ZC3H12B: variants seen among roughly 807,000 people sequenced by gnomAD.
ZC3H12B encodes the protein zinc finger CCCH-type containing 12B.
Under a neutral mutation model 43.9 loss-of-function variants are expected in ZC3H12B, and 7 were observed. The observed-to-expected ratio is 0.16, with a 90% CI of 0.09 to 0.30. ZC3H12B has a LOEUF of 0.30. ZC3H12B is among the 10% of genes least tolerant of loss of function. The probability of loss-of-function intolerance (pLI) is 1.00; values close to 1 mark genes in which losing one functional copy is unlikely to be tolerated. For synonymous variants in ZC3H12B, 222 were observed against 241.7 expected, an observed-to-expected ratio of 0.92 and a Z score of 0.76; for missense variants, 475 against 670.2, an observed-to-expected ratio of 0.71 and a Z score of 3.22.
chrX:65,415,238 C>A (rs1207498545), intron 3 of ZC3H12B, among the ~76,000 whole-genome samples: 1 of 112,076 alleles, frequency 8.9e-6, no homozygotes, highest in African/African-American at 3.2e-5. Context: ...TTTTATCATG[C>A]CGATGAAGGC....
the ZC3H12B span, among the ~76,000 whole-genome samples, chrX:65,167,097 T>G: frequency 2.7e-5 from 3 of 112,140 alleles, no homozygotes; most frequent in Admixed American, 9.5e-5. Flanking sequence ...CTTTGGTGTT[T>G]TAGTCATGAA....
the ZC3H12B span, among the ~76,000 whole-genome samples, chrX:65,301,973 A>G: frequency 9.0e-6 from 1 of 111,371 alleles, no homozygotes; most frequent in Non-Finnish European, 1.9e-5. Context: ...CGTTCCATTT[A>G]TGATTTAAAA....
intron 3 of ZC3H12B, among the ~76,000 whole-genome samples, chrX:65,450,413 G>T (rs1261219924): frequency 1.4e-5 from 1 of 69,451 alleles, no homozygotes; most frequent in Non-Finnish European, 2.6e-5. Context: ...ATATATGTGT[G>T]TATATACATA....
chrX:65,480,818 C>A (rs1219294459), intron 3 of ZC3H12B, among the ~76,000 whole-genome samples: 1 of 105,285 alleles, frequency 9.5e-6, no homozygotes, highest in Non-Finnish European at 1.9e-5. Flanking sequence ...TGCACTCCAG[C>A]CTGGGCAACA....
the ZC3H12B span, among the ~76,000 whole-genome samples, chrX:65,175,473 A>G: frequency 2.9e-3 from 322 of 112,305 alleles, 1 homozygote; most frequent in Non-Finnish European, 4.9e-3. Context: ...TTCTAATTTG[A>G]AAATATAAAG....
At chrX:65,296,532 C>G in the ZC3H12B span, among the ~76,000 whole-genome samples, 1 of 110,546 alleles carries the variant, frequency 9.0e-6, no homozygotes, top group African/African-American at 3.3e-5. Flanking sequence ...GACACACACA[C>G]AGTCCAGGAC....
the ZC3H12B span, among the ~76,000 whole-genome samples, chrX:65,261,468 G>A: frequency 1.8e-5 from 2 of 111,228 alleles, no homozygotes; most frequent in South Asian, 7.6e-4. Flanking sequence ...GACTTAATAT[G>A]GGCAAAGTAT....
intron 3 of ZC3H12B, among the ~76,000 whole-genome samples, chrX:65,446,225 C>T: frequency 8.9e-6 from 1 of 111,847 alleles, no homozygotes. Flanking sequence ...ATTCAAGTTG[C>T]AAGACAAAGT....
At chrX:65,472,966 GTAT>G (rs2067942614) in intron 3 of ZC3H12B, among the ~76,000 whole-genome samples, 1 of 78,988 alleles carries the variant, frequency 1.3e-5, no homozygotes, top group African/African-American at 7.1e-5. Context: ...TTGTGTATGT[GTAT>G]GTGTGTGTAT....
the ZC3H12B span, among the ~76,000 whole-genome samples, chrX:65,075,741 C>T: frequency 2.7e-5 from 3 of 111,789 alleles, no homozygotes; most frequent in Admixed American, 9.5e-5. Context: ...CACTTTTTCA[C>T]GAGTCTCCAG....
chrX:65,268,667 G>A, the ZC3H12B span, among the ~76,000 whole-genome samples: 3 of 112,302 alleles, frequency 2.7e-5, no homozygotes, highest in African/African-American at 6.5e-5. Flanking sequence ...CATCTCAATT[G>A]ATACAGAAAA....
the ZC3H12B span, among the ~76,000 whole-genome samples, chrX:65,215,115 T>G: frequency 8.5e-4 from 95 of 112,062 alleles, no homozygotes; most frequent in African/African-American, 2.8e-3. Flanking sequence ...GCTTCGTTTG[T>G]CCATTTACAA....
the ZC3H12B span, among the ~76,000 whole-genome samples, chrX:65,070,323 T>C: frequency 1.7e-4 from 19 of 110,897 alleles, no homozygotes; most frequent in African/African-American, 5.5e-4. Flanking sequence ...TTTATTTGGA[T>C]CTTCTTTCTT....
intron 2 of ZC3H12B, among the ~76,000 whole-genome samples, chrX:65,378,923 G>C (rs1423733106): frequency 1.8e-5 from 2 of 112,604 alleles, no homozygotes; most frequent in Admixed American, 9.3e-5. Context: ...GGCGCACCAG[G>C]AGATTATATC....
chrX:65,258,446 C>A, the ZC3H12B span, among the ~76,000 whole-genome samples: 1 of 111,787 alleles, frequency 8.9e-6, no homozygotes, highest in Non-Finnish European at 1.9e-5. Flanking sequence ...CTATGACAAA[C>A]CCACAGCCAA....
the ZC3H12B span, among the ~76,000 whole-genome samples, chrX:65,195,551 G>T: frequency 8.9e-6 from 1 of 111,916 alleles, no homozygotes; most frequent in Non-Finnish European, 1.9e-5. Context: ...TACTATCTAT[G>T]TCTTGAAAAG....
chrX:65,089,485 C>T, the ZC3H12B span, among the ~76,000 whole-genome samples: 1 of 111,807 alleles, frequency 8.9e-6, no homozygotes, highest in Non-Finnish European at 1.9e-5. Flanking sequence ...GGTGAGTCAA[C>T]GAGTGAGTGG....
the ZC3H12B span, among the ~76,000 whole-genome samples, chrX:65,289,946 A>G: frequency 9.0e-6 from 1 of 111,109 alleles, no homozygotes; most frequent in African/African-American, 3.3e-5. Flanking sequence ...TCCATCCTCA[A>G]GAGTATAGTC....
the ZC3H12B span, among the ~76,000 whole-genome samples, chrX:65,261,284 G>A: frequency 9.0e-6 from 1 of 111,396 alleles, no homozygotes; most frequent in African/African-American, 3.2e-5. Context: ...GTTTTCATTT[G>A]GGACCTTGCA....
Sources: gnomAD v4.1 joint callset for allele counts (sites outside exome capture counted in the v4.1 genomes callset) on GRCh38, gnomAD v4.1.1 for gene constraint, MANE v1.5 for transcripts, NCBI Gene and HGNC (gene_info 2026-07-23, HGNC 2026-07-21) for gene names.